CSMD1: variants seen among roughly 807,000 people sequenced by gnomAD.
CSMD1 encodes the protein CUB and sushi domain-containing protein 1.
Under a neutral mutation model 417.5 loss-of-function variants are expected in CSMD1, and 213 were observed. The ratio of observed to expected loss-of-function variants is 0.51; its 90% CI spans 0.46 to 0.57. CSMD1 has a LOEUF of 0.57. Ranked by LOEUF, CSMD1 falls within the 20% of genes least tolerant of loss-of-function variation. The pLI, the probability that CSMD1 is intolerant of heterozygous loss-of-function variation, is 0.00. For synonymous variants in CSMD1, 2,862 were observed against 1,736.8 expected (o/e 1.65, Z -16.11); for missense variants, 6,923 against 4,529.7 (o/e 1.53, Z -15.17).
intron 3 of CSMD1, among the ~76,000 whole-genome samples, chr8:4,114,147 T>C (rs868837187): frequency 5.3e-5 from 8 of 152,210 alleles, no homozygotes; most frequent in Non-Finnish European, 8.8e-5. Flanking sequence ...AGTCAATGCT[T>C]GGCTTAAAAA....
chr8:4,647,922 G>T (rs541412621), intron 1 of CSMD1, among the ~76,000 whole-genome samples: 1 of 152,274 alleles, frequency 6.6e-6, no homozygotes, highest in South Asian at 2.1e-4. Context: ...ATTCCTTTGG[G>T]TATATACCCA....
chr8:4,350,040 T>G (rs1346418867), intron 3 of CSMD1, among the ~76,000 whole-genome samples: 1 of 152,172 alleles, frequency 6.6e-6, no homozygotes, highest in Non-Finnish European at 1.5e-5. Context: ...TAAAGAGGCT[T>G]AGTTTTAGCT....
At chr8:4,043,475 G>A (rs1029623364) in intron 3 of CSMD1, among the ~76,000 whole-genome samples, 3 of 152,122 alleles carry the variant, frequency 2.0e-5, no homozygotes, top group African/African-American at 4.8e-5. Flanking sequence ...CCAGTGTTAT[G>A]TTGTCTTCAA....
intron 23 of CSMD1, among the ~76,000 whole-genome samples, chr8:3,318,174 G>C (rs1584990865): frequency 6.6e-6 from 1 of 151,992 alleles, no homozygotes; most frequent in South Asian, 2.1e-4. Context: ...TAGTACCTTA[G>C]GCTTGTAATA....
intron 3 of CSMD1, among the ~76,000 whole-genome samples, chr8:4,157,659 C>A (rs915414103): frequency 3.3e-5 from 5 of 152,222 alleles, no homozygotes; most frequent in Non-Finnish European, 5.9e-5. Flanking sequence ...GTTATCTGGG[C>A]ATGGGGTGAG....
chr8:3,478,534 G>C (rs1038722569), intron 11 of CSMD1, among the ~76,000 whole-genome samples: 5 of 152,156 alleles, frequency 3.3e-5, no homozygotes, highest in African/African-American at 1.2e-4. Context: ...AGACAAGCTG[G>C]CCTGGGACCG....
chr8:3,677,429 T>G (rs1799433757), intron 7 of CSMD1, among the ~76,000 whole-genome samples: 1 of 152,144 alleles, frequency 6.6e-6, no homozygotes, highest in African/African-American at 2.4e-5. Flanking sequence ...ACAAACCTGA[T>G]CCCACAGTAC....
intron 12 of CSMD1, among the ~76,000 whole-genome samples, chr8:3,462,016 C>T (rs1009236310): frequency 1.3e-5 from 2 of 152,108 alleles, no homozygotes; most frequent in African/African-American, 4.8e-5. Flanking sequence ...CGAGGCCAGT[C>T]AGAATCCTAG....
chr8:4,122,108 C>G (rs1050048558), intron 3 of CSMD1, among the ~76,000 whole-genome samples: 1 of 151,684 alleles, frequency 6.6e-6, no homozygotes, highest in Non-Finnish European at 1.5e-5. Context: ...AATATTGTAT[C>G]GTATAGGATA....
At chr8:3,614,444 G>C (rs1461990945) in intron 8 of CSMD1, among the ~76,000 whole-genome samples, 1 of 152,064 alleles carries the variant, frequency 6.6e-6, no homozygotes. Context: ...GAATGAAATG[G>C]AGTAAAGATT....
At chr8:3,574,563 G>T (rs979863458) in intron 10 of CSMD1, among the ~76,000 whole-genome samples, 39 of 152,144 alleles carry the variant, frequency 2.6e-4, no homozygotes, top group African/African-American at 8.7e-4. Flanking sequence ...CAGTATTTTT[G>T]TGTCTGAGTA....
At chr8:3,837,761 C>G (rs1217666561) in intron 5 of CSMD1, among the ~76,000 whole-genome samples, 1 of 151,780 alleles carries the variant, frequency 6.6e-6, no homozygotes, top group Non-Finnish European at 1.5e-5. Flanking sequence ...CCCAGTTTAT[C>G]AGTTCCATCT....
chr8:4,660,062 A>T (rs1213474041), intron 1 of CSMD1, among the ~76,000 whole-genome samples: 44 of 151,526 alleles, frequency 2.9e-4, no homozygotes, highest in African/African-American at 1.0e-3. Context: ...ATTGGATAAA[A>T]GAAAGGATGT....
At chr8:3,119,441 C>A (rs1168394759) in intron 41 of CSMD1, among the ~76,000 whole-genome samples, 1 of 134,248 alleles carries the variant, frequency 7.4e-6, no homozygotes, top group African/African-American at 2.6e-5. Context: ...CTGACAACTA[C>A]TATCAGTACA....
intron 5 of CSMD1, among the ~76,000 whole-genome samples, chr8:3,894,211 A>G (rs1367655180): frequency 6.6e-6 from 1 of 152,166 alleles, no homozygotes; most frequent in Admixed American, 6.5e-5. Flanking sequence ...TAAACCCAGA[A>G]GACAAGAACG....
intron 9 of CSMD1, among the ~76,000 whole-genome samples, chr8:3,576,466 G>C (rs1185293149): frequency 2.6e-5 from 4 of 152,076 alleles, no homozygotes; most frequent in South Asian, 4.1e-4. Flanking sequence ...TGCAGTCCTA[G>C]ACATGTGAAA....
At chr8:3,765,309 C>T (rs529673381) in intron 5 of CSMD1, among the ~76,000 whole-genome samples, 1 of 152,268 alleles carries the variant, frequency 6.6e-6, no homozygotes, top group East Asian at 1.9e-4. Flanking sequence ...CTGTGTAAAT[C>T]CTTCCCAAAT....
At chr8:4,253,674 C>CATTG (rs2128833270) in intron 3 of CSMD1, among the ~76,000 whole-genome samples, 1 of 151,842 alleles carries the variant, frequency 6.6e-6, no homozygotes, top group East Asian at 1.9e-4. Context: ...TTGCAACATA[C>CATTG]ATTGATTCTG....
chr8:4,467,300 G>C (rs1377848788), intron 2 of CSMD1, among the ~76,000 whole-genome samples: 2 of 152,124 alleles, frequency 1.3e-5, no homozygotes, highest in Non-Finnish European at 2.9e-5. Context: ...GCAAGGAAAG[G>C]AGGAGTCACT....
Sources: gnomAD v4.1 joint callset for allele counts (sites outside exome capture counted in the v4.1 genomes callset) on GRCh38, gnomAD v4.1.1 for gene constraint, MANE v1.5 for transcripts, NCBI Gene and HGNC (gene_info 2026-07-23, HGNC 2026-07-21) for gene names.